The following CMTM7 variants were observed in gnomAD, a reference collection of about 807,000 sequenced individuals.
The protein encoded by CMTM7 is CKLF-like MARVEL transmembrane domain-containing protein 7.
A neutral mutation model predicts 19.3 loss-of-function variants in CMTM7; 7 were observed. That is an observed-to-expected ratio of 0.36 (90% CI 0.21 to 0.68). CMTM7 has a LOEUF of 0.68. CMTM7 is among the 30% of genes least tolerant of loss of function. The pLI is 0.60. For missense variants in CMTM7, 193 were observed against 232.6 expected (o/e 0.83, Z 1.11); for synonymous variants, 87 against 99.3 (o/e 0.88, Z 0.74).
chr3:32,452,772 A>G (rs1333287990), intron 4 of CMTM7, among the ~76,000 whole-genome samples: 5 of 128,844 alleles, frequency 3.9e-5, no homozygotes, highest in Non-Finnish European at 6.6e-5. Context: ...TTTTTTTTTG[A>G]GATTGGGTTT....
At chr3:32,400,288 A>G (rs1365969915) in intron 1 of CMTM7, among the ~76,000 whole-genome samples, 3 of 151,134 alleles carry the variant, frequency 2.0e-5, no homozygotes, top group African/African-American at 4.9e-5. Context: ...GCAAAGTGCT[A>G]GGATTACAGG....
intron 1 of CMTM7, among the ~76,000 whole-genome samples, chr3:32,429,296 AT>A (rs35500364): frequency 0.083 from 11,652 of 139,760 alleles, 475 homozygotes; most frequent in Middle Eastern, 0.14. Context: ...TGAGTAGTGT[AT>A]TTTTTTTTTT....
At chr3:32,395,426 TGATA>T (rs1227073731) in intron 1 of CMTM7, among the ~76,000 whole-genome samples, 3 of 152,316 alleles carry the variant, frequency 2.0e-5, no homozygotes, top group African/African-American at 7.2e-5. Context: ...GTAACATGTT[TGATA>T]GATAAGGAAA....
intron 2 of CMTM7, among the ~76,000 whole-genome samples, chr3:32,448,929 C>T (rs1329128801): frequency 1.3e-5 from 2 of 152,218 alleles, no homozygotes; most frequent in Non-Finnish European, 2.9e-5. Context: ...CAAGTCCACA[C>T]TTGGGGCCAT....
At chr3:32,421,570 A>G (rs1366175162) in intron 1 of CMTM7, among the ~76,000 whole-genome samples, 1 of 151,904 alleles carries the variant, frequency 6.6e-6, no homozygotes, top group Non-Finnish European at 1.5e-5. Flanking sequence ...TCCTTCCTCT[A>G]TTCCTCACAA....
rs1575127390 is a variant in CMTM7, at chr3:32,449,779, A to G, written c.432+227A>G. Among the ~76,000 whole-genome samples the G allele has an allele frequency of 6.6e-6, 1 of 152,128 alleles. No homozygotes were observed. The highest frequency in any genetic ancestry group is 1.5e-5 in the Non-Finnish European group (1 of 68,026). On this transcript the variant is annotated intron_variant, in intron 3 of 4. Coordinates refer to ENST00000334983, the MANE Select transcript of CMTM7 (RefSeq NM_138410.4). The surrounding 1 kb of genome is among the most constrained non-coding windows in gnomAD (Gnocchi z 4.5). ...GCAAATTCATAGACCCCAGCAGCCCAGGCCTCTCTCTCTTACAGGCACTAC... is the reference window on the plus strand; with the variant it reads ...GCAAATTCATAGACCCCAGCAGCCCGGGCCTCTCTCTCTTACAGGCACTAC...
intron 4 of CMTM7, 69 bp downstream of exon 4, chr3:32,452,542 C>A: frequency 1.3e-6 from 2 of 1,492,138 alleles, no homozygotes; most frequent in East Asian, 2.3e-5. Flanking sequence ...TTGACTTCAG[C>A]CATAGGGACA....
chr3:32,411,906 A>G (rs1575112278), intron 1 of CMTM7, among the ~76,000 whole-genome samples: 1 of 151,858 alleles, frequency 6.6e-6, no homozygotes, highest in East Asian at 2.0e-4. Context: ...GACCTAATGC[A>G]CGGGAAGGGG....
chr3:32,399,019 G>A (rs1004739700), intron 1 of CMTM7, among the ~76,000 whole-genome samples: 2 of 152,120 alleles, frequency 1.3e-5, no homozygotes, highest in Non-Finnish European at 2.9e-5. Context: ...ACGGACCCTG[G>A]CTGTTAGTGG....
At chr3:32,453,045 A>G (rs1377404341) in intron 4 of CMTM7, among the ~76,000 whole-genome samples, 1 of 145,472 alleles carries the variant, frequency 6.9e-6, no homozygotes. Context: ...TGCTGGGATT[A>G]TAGACATGAA....
In CMTM7 at chr3:32,429,123, C is replaced by G. The variant is rs77022501; in HGVS notation, c.160-12717C>G. ...ATTGTGTATCACACTGCTCGAATTG[C>G]TTATTAAACAGAATTATTATTTTAT... On this transcript the variant is annotated intron_variant, in intron 1 of 4. Transcript: ENST00000334983. 8.5e-4 allele frequency among the ~76,000 whole-genome samples: 129 copies of G among 152,250 alleles called. 1 individual carries two copies. The highest frequency in any genetic ancestry group is 2.9e-3 in the African/African-American group (120 of 41,560).
chr3:32,443,697 G>T (rs951422536), intron 2 of CMTM7, among the ~76,000 whole-genome samples: 2 of 152,156 alleles, frequency 1.3e-5, no homozygotes, highest in African/African-American at 2.4e-5. Flanking sequence ...GTGTATGAAG[G>T]TTCCAGTTTC....
intron 1 of CMTM7, among the ~76,000 whole-genome samples, chr3:32,416,361 A>ATTTTTTT (rs58085712): frequency 1.4e-5 from 1 of 72,420 alleles, no homozygotes; most frequent in African/African-American, 5.9e-5. Flanking sequence ...ATCCGGGCTA[A>ATTTTTTT]TTTTTTTTTT....
At chr3:32,432,047 T>C (rs1053781524) in intron 1 of CMTM7, among the ~76,000 whole-genome samples, 2 of 152,228 alleles carry the variant, frequency 1.3e-5, no homozygotes, top group African/African-American at 4.8e-5. Flanking sequence ...GGCCTCCCTC[T>C]GGGATATGCT....
chr3:32,449,693 C>A lies in CMTM7; in HGVS notation c.432+141C>A. 1 of 710,824 alleles carries A rather than the reference C, an allele frequency of 1.4e-6. No homozygotes were observed. The allele number at this position is 710,824 out of a possible 1,614,324, so 44.0% of individuals were successfully genotyped here. ...ACCTACCTTGATCCAGCCATCAGCT[C>A]TCTCCAAAGAGCCTTAAGCAGAGGC... On this transcript the variant is annotated intron_variant, in intron 3 of 4. Transcript: ENST00000334983. This position sits in a 1 kb window ranked among gnomAD's most constrained non-coding sequence, Gnocchi z 4.5.
At chr3:32,434,878 A>G (rs1696573434) in intron 1 of CMTM7, among the ~76,000 whole-genome samples, 1 of 152,232 alleles carries the variant, frequency 6.6e-6, no homozygotes, top group Non-Finnish European at 1.5e-5. Flanking sequence ...AAAAGGCAGT[A>G]GCCAATAAAC....
chr3:32,452,015 AT>A (rs973465379), intron 3 of CMTM7: 2 of 1,202,172 alleles, frequency 1.7e-6, no homozygotes, highest in South Asian at 1.3e-5. Context: ...GAACGTTCAG[AT>A]TTTTTTAACC....
intron 1 of CMTM7, among the ~76,000 whole-genome samples, chr3:32,435,112 T>G (rs888737455): frequency 2.0e-5 from 3 of 152,186 alleles, no homozygotes; most frequent in Non-Finnish European, 4.4e-5. Context: ...ATCAGAAATA[T>G]TCATACAGAG....
chr3:32,402,190 C>T (rs572092394), intron 1 of CMTM7, among the ~76,000 whole-genome samples: 5 of 151,720 alleles, frequency 3.3e-5, no homozygotes, highest in Non-Finnish European at 5.9e-5. Flanking sequence ...TGGCTCACTG[C>T]AGCCTCCTCC....
Sources: gnomAD v4.1 joint callset for allele counts (sites outside exome capture counted in the v4.1 genomes callset) on GRCh38, gnomAD v4.1.1 for gene constraint, Gnocchi (gnomAD v3.1) non-coding constraint, MANE v1.5 for transcripts, NCBI Gene and HGNC (gene_info 2026-07-23, HGNC 2026-07-21) for gene names.